The following ANO4 variants were observed in gnomAD, a reference collection of about 807,000 sequenced individuals.
ANO4 encodes the protein anoctamin 4, also known as anoctamin-4.
A neutral mutation model predicts 141.9 loss-of-function variants in ANO4; 69 were observed. The observed-to-expected ratio is 0.49, with a 90% confidence interval of 0.40 to 0.59. The LOEUF is 0.59. Ranked by LOEUF, ANO4 falls within the 20% of genes least tolerant of loss-of-function variation. ANO4 has a pLI of 0.00. For synonymous variants in ANO4, 350 were observed against 394.3 expected, an observed-to-expected ratio of 0.89 and a Z score of 1.33; for missense variants, 894 against 1,162.2, an observed-to-expected ratio of 0.77 and a Z score of 3.36.
chr12:100,983,248 C>T (rs1398750469), intron 7 of ANO4, among the ~76,000 whole-genome samples: 4 of 152,152 alleles, frequency 2.6e-5, no homozygotes, highest in African/African-American at 9.7e-5. Context: ...ACAGTGGGAG[C>T]CTGGCTAGCT....
intron 1 of ANO4, among the ~76,000 whole-genome samples, chr12:100,899,844 A>T (rs889143106): frequency 1.3e-5 from 2 of 152,092 alleles, no homozygotes; most frequent in Non-Finnish European, 1.5e-5. Flanking sequence ...ATCCATTTTA[A>T]TGCATACAAC....
chr12:100,932,459 A>C (rs561967008), intron 3 of ANO4, among the ~76,000 whole-genome samples: 6 of 152,050 alleles, frequency 3.9e-5, no homozygotes, highest in Non-Finnish European at 8.8e-5. Flanking sequence ...TCCAGCACTT[A>C]ACTCTAAATC....
At chr12:100,960,957 T>G (rs940867743) in intron 5 of ANO4, among the ~76,000 whole-genome samples, 5 of 152,216 alleles carry the variant, frequency 3.3e-5, no homozygotes, top group African/African-American at 1.2e-4. Flanking sequence ...CTGACATTGC[T>G]TACTTCTAAG....
At chr12:100,884,205 G>T (rs2039708584) in intron 1 of ANO4, among the ~76,000 whole-genome samples, 1 of 152,174 alleles carries the variant, frequency 6.6e-6, no homozygotes, top group Non-Finnish European at 1.5e-5. Context: ...AGATCTAATT[G>T]CACCATTGTT....
At chr12:101,116,240 C>T (rs1007814744) in intron 24 of ANO4, among the ~76,000 whole-genome samples, 1 of 152,118 alleles carries the variant, frequency 6.6e-6, no homozygotes, top group African/African-American at 2.4e-5. Context: ...AGGACTGTAG[C>T]ATGGGATATG....
At chr12:100,750,095 A>C (rs1159871477) in intron 3 of ANO4, among the ~76,000 whole-genome samples, 1 of 152,054 alleles carries the variant, frequency 6.6e-6, no homozygotes, top group Non-Finnish European at 1.5e-5. Flanking sequence ...AGGTCTGGGC[A>C]AGGGGTAGTG....
intron 17 of ANO4, among the ~76,000 whole-genome samples, chr12:101,090,124 A>G (rs941520969): frequency 1.3e-5 from 2 of 152,212 alleles, no homozygotes; most frequent in African/African-American, 4.8e-5. Context: ...AGGTGGAGAA[A>G]TAGGAAAGCT....
At chr12:100,914,035 C>T (rs1460462670) in intron 2 of ANO4, among the ~76,000 whole-genome samples, 1 of 152,238 alleles carries the variant, frequency 6.6e-6, no homozygotes, top group Non-Finnish European at 1.5e-5. Context: ...GAGCCCTCGT[C>T]ATCACAACAG....
chr12:100,889,716 A>G (rs1054133153), intron 1 of ANO4, among the ~76,000 whole-genome samples: 2 of 152,178 alleles, frequency 1.3e-5, no homozygotes, highest in Non-Finnish European at 2.9e-5. Flanking sequence ...TTAGAATGGC[A>G]ATCATTAAAA....
intron 5 of ANO4, among the ~76,000 whole-genome samples, chr12:100,953,111 C>A (rs564803454): frequency 6.6e-6 from 1 of 152,252 alleles, no homozygotes; most frequent in East Asian, 1.9e-4. Flanking sequence ...ATATAAAGCA[C>A]GTTTTGCATA....
intron 14 of ANO4, among the ~76,000 whole-genome samples, chr12:101,070,099 A>T (rs535423293): frequency 6.6e-6 from 1 of 152,320 alleles, no homozygotes; most frequent in African/African-American, 2.4e-5. Flanking sequence ...ACCCAAAGCA[A>T]TCTACAGATT....
chr12:100,929,219 A>G (rs1157788503), intron 3 of ANO4, among the ~76,000 whole-genome samples: 2 of 152,088 alleles, frequency 1.3e-5, no homozygotes, highest in South Asian at 2.1e-4. Context: ...TATTCATTCT[A>G]TCTAATTATA....
At chr12:100,821,917 A>G (rs2036075977) in intron 1 of ANO4, among the ~76,000 whole-genome samples, 1 of 151,950 alleles carries the variant, frequency 6.6e-6, no homozygotes, top group East Asian at 1.9e-4. Context: ...TTTGATGGAT[A>G]TTCTCAAATT....
intron 14 of ANO4, among the ~76,000 whole-genome samples, chr12:101,051,967 C>A (rs116801462): frequency 6.6e-6 from 1 of 152,014 alleles, no homozygotes; most frequent in African/African-American, 2.4e-5. Context: ...CTCTTATGAT[C>A]GACAAGTTAC....
intron 1 of ANO4, among the ~76,000 whole-genome samples, chr12:100,876,245 AAG>A (rs1327037420): frequency 2.7e-5 from 4 of 148,922 alleles, no homozygotes; most frequent in African/African-American, 1.0e-4. Flanking sequence ...TTTGAGAAGA[AAG>A]AGATTGTGAG....
At chr12:100,909,703 A>G (rs2041014449) in intron 2 of ANO4, among the ~76,000 whole-genome samples, 1 of 152,208 alleles carries the variant, frequency 6.6e-6, no homozygotes, top group Non-Finnish European at 1.5e-5. Context: ...ATTCAGATGC[A>G]GGAAAGAGCA....
chr12:100,828,241 C>CT (rs1006962303), intron 1 of ANO4, among the ~76,000 whole-genome samples: 1 of 151,860 alleles, frequency 6.6e-6, no homozygotes, highest in African/African-American at 2.4e-5. Flanking sequence ...TCCATTCCTC[C>CT]TTTTTTCAGC....
intron 1 of ANO4, among the ~76,000 whole-genome samples, chr12:100,812,497 T>TAATA (rs2135709162): frequency 6.6e-6 from 1 of 152,286 alleles, no homozygotes; most frequent in African/African-American, 2.4e-5. Context: ...TATTCATACA[T>TAATA]AATAATGTGT....
intron 13 of ANO4, chr12:101,047,957 T>A (rs2047697409): frequency 1.0e-6 from 1 of 980,738 alleles, no homozygotes; most frequent in Non-Finnish European, 1.2e-6. Flanking sequence ...AAAACAGTGC[T>A]TGGGAAGTTG....
Sources: allele counts gnomAD v4.1 joint callset (sites outside exome capture counted in the v4.1 genomes callset), GRCh38; gene constraint gnomAD v4.1.1; transcripts MANE v1.5; gene names NCBI Gene and HGNC (gene_info 2026-07-23, HGNC 2026-07-21).